The following CAP2 variants were observed in gnomAD, a reference collection of about 807,000 sequenced individuals.
CAP2 encodes cyclase associated actin cytoskeleton regulatory protein 2, also known as adenylyl cyclase-associated protein 2.
Under a neutral mutation model 57.7 loss-of-function variants are expected in CAP2, and 24 were observed. The ratio of observed to expected loss-of-function variants is 0.42; its 90% CI spans 0.30 to 0.58. The LOEUF (loss-of-function observed/expected upper bound fraction) is 0.58. CAP2 is among the 20% of genes least tolerant of loss of function. The pLI is 0.22. For missense variants in CAP2, 501 were observed against 590.3 expected (o/e 0.85, Z 1.57); for synonymous variants, 194 against 207.2 (o/e 0.94, Z 0.55).
intron 1 of CAP2, among the ~76,000 whole-genome samples, chr6:17,394,161 AGG>A (rs1225827833): frequency 5.8e-5 from 5 of 86,260 alleles, no homozygotes; most frequent in South Asian, 4.4e-4. Context: ...TGAGTCTTCC[AGG>A]GGGGTGGGGG....
At chr6:17,452,911 T>C (rs1760450625) in intron 3 of CAP2, among the ~76,000 whole-genome samples, 1 of 152,090 alleles carries the variant, frequency 6.6e-6, no homozygotes, top group South Asian at 2.1e-4. Context: ...TTCCATAACA[T>C]TGCCTGAATA....
At chr6:17,535,806 G>A (rs557738588) in intron 7 of CAP2, among the ~76,000 whole-genome samples, 1 of 152,124 alleles carries the variant, frequency 6.6e-6, no homozygotes, top group African/African-American at 2.4e-5. Context: ...AGGAAAGAAT[G>A]TTTATTCCCA....
chr6:17,488,678 C>T (rs1035840864), intron 4 of CAP2, among the ~76,000 whole-genome samples: 9 of 152,184 alleles, frequency 5.9e-5, no homozygotes, highest in African/African-American at 1.9e-4. Flanking sequence ...TACAAAGTCA[C>T]TAAGAGAATT....
intron 3 of CAP2, among the ~76,000 whole-genome samples, chr6:17,455,350 C>T (rs1760531839): frequency 6.6e-6 from 1 of 151,988 alleles, no homozygotes; most frequent in Non-Finnish European, 1.5e-5. Flanking sequence ...TGGTCCCTCC[C>T]AAGGGCTGGC....
At chr6:17,518,186 A>G (rs1408108864) in intron 7 of CAP2, among the ~76,000 whole-genome samples, 2 of 152,208 alleles carry the variant, frequency 1.3e-5, no homozygotes, top group African/African-American at 4.8e-5. Flanking sequence ...ATGCCTAGAA[A>G]TATATTTCCT....
chr6:17,459,187 A>G (rs1760659970), intron 3 of CAP2, among the ~76,000 whole-genome samples: 1 of 152,214 alleles, frequency 6.6e-6, no homozygotes, highest in African/African-American at 2.4e-5. Flanking sequence ...TCCGAATGGC[A>G]TGTGTTCCAA....
At chr6:17,461,228 T>C (rs1760713021) in intron 3 of CAP2, among the ~76,000 whole-genome samples, 1 of 151,718 alleles carries the variant, frequency 6.6e-6, no homozygotes, top group African/African-American at 2.4e-5. Context: ...CTTTTTTTTT[T>C]TCTTTTTTTG....
intron 1 of CAP2, among the ~76,000 whole-genome samples, chr6:17,415,193 C>G (rs1759243426): frequency 6.6e-6 from 1 of 152,208 alleles, no homozygotes; most frequent in Admixed American, 6.5e-5. Flanking sequence ...GGAGAACTTT[C>G]AGCTAGCAAT....
chr6:17,528,213 G>C (rs78667697), intron 7 of CAP2, among the ~76,000 whole-genome samples: 1 of 152,264 alleles, frequency 6.6e-6, no homozygotes. Flanking sequence ...AAGCCACGAG[G>C]TTCAATAGAT....
At chr6:17,539,573 G>A in intron 8 of CAP2, 115 bp downstream of exon 8, 1 of 767,846 alleles carries the variant, frequency 1.3e-6, no homozygotes, top group Non-Finnish European at 2.1e-6. Flanking sequence ...CCTCCAGCAT[G>A]CAGGGAGAGG....
chr6:17,462,686 C>T (rs1325634728), intron 3 of CAP2, among the ~76,000 whole-genome samples: 2 of 152,140 alleles, frequency 1.3e-5, no homozygotes, highest in Admixed American at 6.5e-5. Flanking sequence ...ATTCACTCAG[C>T]GTAATGTTTT....
intron 1 of CAP2, among the ~76,000 whole-genome samples, chr6:17,409,147 G>A (rs1182754601): frequency 2.6e-5 from 4 of 150,998 alleles, no homozygotes; most frequent in Middle Eastern, 3.5e-3. Context: ...TGAGGCAGGC[G>A]AGTCACCTGA....
chr6:17,529,651 A>AAAATATATATATATATATAT (rs10656588), intron 7 of CAP2, among the ~76,000 whole-genome samples: 1 of 134,538 alleles, frequency 7.4e-6, no homozygotes, highest in African/African-American at 2.9e-5. Context: ...AAAAAAAAAA[A>AAAATATATATATATATATAT]ATATATATAT....
chr6:17,441,095 A>G (rs1180189982), intron 3 of CAP2, among the ~76,000 whole-genome samples: 1 of 151,550 alleles, frequency 6.6e-6, no homozygotes, highest in African/African-American at 2.4e-5. Flanking sequence ...TTCAGCATCT[A>G]TAGATGCTAA....
At chr6:17,443,298 C>G (rs1760145402) in intron 3 of CAP2, among the ~76,000 whole-genome samples, 1 of 152,028 alleles carries the variant, frequency 6.6e-6, no homozygotes, top group African/African-American at 2.4e-5. Context: ...TTCCAATGTC[C>G]TGAATTAATC....
intron 7 of CAP2, among the ~76,000 whole-genome samples, chr6:17,527,218 G>A (rs1257912708): frequency 6.6e-6 from 1 of 151,034 alleles, no homozygotes; most frequent in Non-Finnish European, 1.5e-5. Flanking sequence ...CCTGAATTTA[G>A]TGGTAGTTCA....
At chr6:17,544,339 C>A (rs187620483) in intron 11 of CAP2, among the ~76,000 whole-genome samples, 1 of 151,984 alleles carries the variant, frequency 6.6e-6, no homozygotes, top group African/African-American at 2.4e-5. Context: ...AAAATTGGTC[C>A]TAGATCATGA....
At chr6:17,471,608 G>A (rs1204611820) in intron 4 of CAP2, among the ~76,000 whole-genome samples, 2 of 152,086 alleles carry the variant, frequency 1.3e-5, no homozygotes, top group African/African-American at 2.4e-5. Flanking sequence ...CGAGGCGGGC[G>A]GATCGCGAGG....
intron 7 of CAP2, among the ~76,000 whole-genome samples, chr6:17,524,509 T>C (rs1226508804): frequency 1.3e-5 from 2 of 152,162 alleles, no homozygotes; most frequent in African/African-American, 4.8e-5. Context: ...GCAGCAGCAA[T>C]GTGCAGCAGC....
Sources: gnomAD v4.1 joint callset for allele counts (sites outside exome capture counted in the v4.1 genomes callset) on GRCh38, gnomAD v4.1.1 for gene constraint, MANE v1.5 for transcripts, NCBI Gene and HGNC (gene_info 2026-07-23, HGNC 2026-07-21) for gene names.